The following FAM186A variants were observed in gnomAD, a reference collection of about 807,000 sequenced individuals.
FAM186A encodes family with sequence similarity 186 member A, also known as protein FAM186A.
In FAM186A, 163 loss-of-function variants were observed where a neutral mutation model predicts 216.8. The ratio of observed to expected loss-of-function variants is 0.75; its 90% confidence interval spans 0.66 to 0.86. The LOEUF (loss-of-function observed/expected upper bound fraction) is 0.86. Ranked by LOEUF, FAM186A falls within the 40% of genes least tolerant of loss-of-function variation. The pLI is 0.00. For missense variants in FAM186A, 2,184 were observed against 2,746.2 expected (o/e 0.80, Z 4.58); for synonymous variants, 805 against 1,025.3 (o/e 0.79, Z 4.10).
At chr12:50,372,997 ATG>A (rs1491325099) in intron 1 of FAM186A, among the ~76,000 whole-genome samples, 1 of 70,308 alleles carries the variant, frequency 1.4e-5, no homozygotes, top group East Asian at 5.3e-4. Context: ...GAAGGAAGGA[ATG>A]AAAGAAAGAA....
chr12:50,382,565 T>C (rs1189645274), intron 1 of FAM186A, among the ~76,000 whole-genome samples: 1 of 151,858 alleles, frequency 6.6e-6, no homozygotes, highest in African/African-American at 2.4e-5. Flanking sequence ...CCAGGTGTGG[T>C]GGCTCACACC....
intron 1 of FAM186A, among the ~76,000 whole-genome samples, chr12:50,393,187 G>A (rs942255794): frequency 1.3e-5 from 2 of 151,884 alleles, no homozygotes; most frequent in East Asian, 2.0e-4. Flanking sequence ...CGCCTCCAAA[G>A]TGCTGGGATT....
Position 50,362,602 on chromosome 12 carries a change from G to A in FAM186A, c.412+543C>T, listed in dbSNP as rs577909910. ...CTACTAAAAATACAAAAATTAGCCG[G>A]GCGTGGTGCTGCATGCCTCTGGTCC... is the stretch of plus-strand genomic sequence containing the variant. On this transcript the variant is annotated intron_variant, in intron 2 of 7. Transcript: ENST00000327337. Among the ~76,000 whole-genome samples the A allele has an allele frequency of 1.7e-4, 26 of 151,968 alleles. No individual in the cohort carries two copies. In the South Asian group the frequency reaches 5.4e-3, roughly 32 times the overall value.
chr12:50,377,133 A>C (rs1943205640), intron 1 of FAM186A, among the ~76,000 whole-genome samples: 2 of 152,168 alleles, frequency 1.3e-5, no homozygotes, highest in African/African-American at 4.8e-5. Flanking sequence ...ACCATTTGGC[A>C]ATTAGGTAGT....
At chr12:50,347,116 C>A (rs1483799305) in intron 4 of FAM186A, among the ~76,000 whole-genome samples, 1 of 151,816 alleles carries the variant, frequency 6.6e-6, no homozygotes, top group Non-Finnish European at 1.5e-5. Flanking sequence ...CTTAAAACAA[C>A]AAAAAAATTC....
rs1404281722 is a variant in FAM186A at position 50,349,229 on chromosome 12, TG to T, written c.6503+1099del. Among the ~76,000 whole-genome samples, 13 of 151,340 alleles carry T rather than the reference TG, an allele frequency of 8.6e-5. 1 individual carries two copies. In the East Asian group the frequency reaches 2.5e-3, roughly 29 times the overall value. ...ACCATCCTTCTCTTTTTTTTTTCCC[TG>T]AGACTGGGTCTTGCTCTGTCACCCA... On this transcript the variant is annotated intron_variant, in intron 4 of 7. Coordinates refer to ENST00000327337, the MANE Select transcript of FAM186A (RefSeq NM_001145475.3).
In FAM186A at chr12:50,354,321, C is replaced by T; in HGVS notation, c.2511G>A (p.Met837Ile). Residue 837 changes from methionine (M) to isoleucine (I), a missense_variant, in exon 4 of 8, where the codon ATG becomes ATA. This residue lies in a region of FAM186A where 1,132 missense variants were observed against 1,263.4 expected (regional missense o/e 0.90). Transcript: ENST00000327337. The stretch of plus-strand genomic sequence containing the variant: ...CTCCCAGCAACTGCTGTTTGAGACT[C>T]ATGCCAGACATTTGTTCTTGACCCT... ...LQEGQEQMSG[M>I]SLKQQLLGER... 1 of 1,551,700 alleles carries T rather than the reference C, an allele frequency of 6.4e-7. No individual in the cohort carries two copies. Among genetic ancestry groups the T allele is most frequent in the Non-Finnish European group, 8.7e-7 (1 of 1,146,996 alleles).
Position 50,354,689 on chromosome 12 carries a change from T to C in FAM186A, c.2143A>G (p.Lys715Glu). ...TGGAAATATTCCTCCATTTTTGCCT[T>C]TATGATTCCTAATTTTTCAGCTTCT... ...RAEAEKLGIIKAKMEEYFQKV... is the reference protein window; with the variant it reads ...RAEAEKLGIIEAKMEEYFQKV... The change falls in exon 4 of 8, where the codon AAG becomes GAG. Residue 715 changes from lysine (K) to glutamate (E), a missense_variant. This residue lies in a region of FAM186A where 1,132 missense variants were observed against 1,263.4 expected (regional missense o/e 0.90). Transcript: ENST00000327337. 1 of 1,549,176 alleles carries C rather than the reference T, an allele frequency of 6.5e-7. No individual in the cohort carries two copies. The highest frequency in any genetic ancestry group is 8.7e-7 in the Non-Finnish European group (1 of 1,146,574).
In FAM186A at chr12:50,346,201, AAGAG is replaced by A. The variant is rs71083536; in HGVS notation, c.6503+4124_6503+4127del. Among the ~76,000 whole-genome samples the A allele has an allele frequency of 2.1e-4, 16 of 76,700 alleles. No homozygotes were observed. In the South Asian group the frequency reaches 8.1e-3, roughly 39 times the overall value. The allele number at this position is 76,700 out of a possible 152,430, so 50.3% of individuals were successfully genotyped here. A position where few individuals can be genotyped will look rare whatever the true frequency, so the allele number is the denominator to read the frequency against. ...AAAGAAGAAAGGAAAGAAAGAAAGA[AAGAG>A]AGAGAGAGAGAGAAGGAAAGAAAGA... On this transcript the variant is annotated intron_variant, in intron 4 of 7. Coordinates refer to ENST00000327337, the MANE Select transcript of FAM186A (RefSeq NM_001145475.3).
chr12:50,343,767 C>T (rs372996713), intron 4 of FAM186A, among the ~76,000 whole-genome samples: 23 of 152,144 alleles, frequency 1.5e-4, no homozygotes, highest in African/African-American at 5.3e-4. Flanking sequence ...TACAGGCGCC[C>T]GCCACCATGC....
At chr12:50,376,648 C>T (rs1016730139) in intron 1 of FAM186A, among the ~76,000 whole-genome samples, 6 of 152,046 alleles carry the variant, frequency 3.9e-5, no homozygotes, top group East Asian at 1.9e-4. Context: ...ACCATCTGAT[C>T]GGCCAAAAGG....
At chr12:50,386,255 C>A (rs879789462) in intron 1 of FAM186A, among the ~76,000 whole-genome samples, 18 of 151,734 alleles carry the variant, frequency 1.2e-4, no homozygotes, top group Non-Finnish European at 2.2e-4. Context: ...ATGGCGAAAC[C>A]CTGTCTCCAC....
chr12:50,351,127 G>T lies in FAM186A; in HGVS notation c.5705C>A (p.Ala1902Asp). The T allele has an allele frequency of 6.4e-7, 1 of 1,551,602 alleles. No individual in the cohort carries two copies. The highest frequency in any genetic ancestry group is 8.7e-7 in the Non-Finnish European group (1 of 1,146,976). Reference sequence around the variant, plus strand: ...CAGATGCTGCCCAGGGGTAGAAGGAGCCTGCAGATAGGGAGATTGCTCAGC... The same window carrying T: ...CAGATGCTGCCCAGGGGTAGAAGGATCCTGCAGATAGGGAGATTGCTCAGC... ...ATAEQSPYLQ[A>D]PSTPGQHLAT... Residue 1902 changes from alanine (A) to aspartate (D), a missense_variant, in exon 4 of 8, where the codon GCT (alanine) becomes GAT (aspartate). By Grantham distance (126) the Ala-to-Asp change is moderately radical. Around this residue, in one of 7 missense-constraint regions of FAM186A, gnomAD observed 721 missense variants for 816.4 expected, o/e 0.88. Transcript: ENST00000327337.
intron 4 of FAM186A, among the ~76,000 whole-genome samples, chr12:50,341,218 G>A (rs1328323077): frequency 6.6e-6 from 1 of 152,074 alleles, no homozygotes. Context: ...CACTTACAGA[G>A]GCTCTACAGA....
At chr12:50,383,568 C>T (rs1241876691) in intron 1 of FAM186A, among the ~76,000 whole-genome samples, 1 of 152,044 alleles carries the variant, frequency 6.6e-6, no homozygotes, top group Admixed American at 6.6e-5. Flanking sequence ...TCAACTCCAG[C>T]CTGGGCAACA....
intron 4 of FAM186A, among the ~76,000 whole-genome samples, chr12:50,334,927 T>C (rs1942693032): frequency 6.6e-6 from 1 of 152,192 alleles, no homozygotes; most frequent in Admixed American, 6.5e-5. Flanking sequence ...TCACAAAATT[T>C]CCAGTGTTAA....
At position 50,355,004 on chromosome 12, in the gene FAM186A, G is replaced by A. The variant is rs1942957932; in HGVS notation, c.1828C>T (p.His610Tyr). 5 of 1,551,486 alleles carry A rather than the reference G, an allele frequency of 3.2e-6. No individual in the cohort carries two copies. The highest frequency in any genetic ancestry group is 4.4e-6 in the Non-Finnish European group (5 of 1,146,970). Residue 610 changes from histidine to tyrosine, a missense_variant, in exon 4 of 8, where the codon CAC (histidine) becomes TAC (tyrosine). His to Tyr is a moderately conservative substitution (Grantham distance 83). Around this residue, in one of 7 missense-constraint regions of FAM186A, gnomAD observed 1,132 missense variants for 1,263.4 expected, o/e 0.90. Transcript: ENST00000327337. ...PQKGKIKGKK[H>Y]HISSGTITSK... ...GTGATAGTTCCTGAAGAGATATGGT[G>A]TTTCTTTCCTTTTATTTTTCCTTTC... is the stretch of plus-strand genomic sequence containing the variant.
Position 50,339,741 on chromosome 12 carries a change from TACACACACACACAC to T in FAM186A, c.6504-5652_6504-5639del, listed in dbSNP as rs10611207. On this transcript the variant is annotated intron_variant, in intron 4 of 7. Transcript: ENST00000327337. ...TCTAAGTATTAGCCACAAAGTACTT[TACACACACACACAC>T]ACACACACACACACACACACACACA... 1.4e-3 allele frequency among the ~76,000 whole-genome samples: 212 copies of T among 148,514 alleles called. 1 individual carries two copies. Among genetic ancestry groups the T allele is most frequent in the African/African-American group, 3.8e-3 (151 of 40,130 alleles).
chr12:50,346,135 C>T (rs1185391220), intron 4 of FAM186A, among the ~76,000 whole-genome samples: 2 of 144,250 alleles, frequency 1.4e-5, no homozygotes, highest in Admixed American at 7.2e-5. Context: ...TGCACCACTG[C>T]ACTCCAGCTG....
Sources: allele counts gnomAD v4.1 joint callset (sites outside exome capture counted in the v4.1 genomes callset), GRCh38; gene constraint gnomAD v4.1.1; regional missense constraint gnomAD v4.1.1; transcripts MANE v1.5; gene names NCBI Gene and HGNC (gene_info 2026-07-23, HGNC 2026-07-21).